The following ROBO2 variants were observed in gnomAD, a reference collection of about 807,000 sequenced individuals.
ROBO2 encodes the protein roundabout guidance receptor 2.
Under a neutral mutation model 160.8 loss-of-function variants are expected in ROBO2, and 53 were observed. The ratio of observed to expected loss-of-function variants is 0.33; its 90% confidence interval spans 0.26 to 0.41. The LOEUF (loss-of-function observed/expected upper bound fraction) is 0.41. Ranked by LOEUF, ROBO2 falls within the 10% of genes least tolerant of loss-of-function variation. The pLI, the probability that ROBO2 is intolerant of heterozygous loss-of-function variation, is 1.00. For synonymous variants in ROBO2, 664 were observed against 611.7 expected (o/e 1.09, Z -1.26); for missense variants, 1,577 against 1,722.4 (o/e 0.92, Z 1.49).
rs140119310 is a variant in ROBO2 at position 77,236,235 on chromosome 3, A to G, written c.388+137895A>G. ...GGCTGAAAGAGCTAAGCTATTATCT[A>G]GAGACCTGGAATCAGTTGAAAGAAA... On this transcript the variant is annotated intron_variant, in intron 2 of 25. Coordinates refer to ENST00000461745, the Ensembl canonical transcript of ROBO2. Among the ~76,000 whole-genome samples, 142 of 152,354 alleles carry G rather than the reference A, an allele frequency of 9.3e-4. 1 individual carries two copies. The highest frequency in any genetic ancestry group is 3.2e-3 in the African/African-American group (135 of 41,586).
chr3:76,901,383 T>C (rs2075216663), intron 2 of ROBO2, among the ~76,000 whole-genome samples: 1 of 151,818 alleles, frequency 6.6e-6, no homozygotes, highest in South Asian at 2.1e-4. Context: ...ATTAAAGAAA[T>C]AGAAAAATAA....
At chr3:77,049,398 A>G (rs566689504) in intron 1 of ROBO2, among the ~76,000 whole-genome samples, 4 of 152,216 alleles carry the variant, frequency 2.6e-5, no homozygotes, top group Non-Finnish European at 4.4e-5. Context: ...TTTAAAAACA[A>G]TAACAGTCTA....
intron 2 of ROBO2, among the ~76,000 whole-genome samples, chr3:76,659,330 A>G (rs1212052040): frequency 6.7e-6 from 1 of 149,430 alleles, no homozygotes; most frequent in African/African-American, 2.4e-5. Flanking sequence ...ATATTTATAC[A>G]TATACATATA....
upstream of ROBO2, among the ~76,000 whole-genome samples, chr3:77,036,144 C>A (rs944187421): frequency 6.6e-6 from 1 of 151,866 alleles, no homozygotes; most frequent in Non-Finnish European, 1.5e-5. Context: ...CAAGATTGTG[C>A]CTTTCATTAA....
intron 2 of ROBO2, among the ~76,000 whole-genome samples, chr3:76,270,040 T>C (rs1424138564): frequency 2.0e-5 from 3 of 152,094 alleles, no homozygotes; most frequent in African/African-American, 7.2e-5. Context: ...ACAATCTCTT[T>C]TTTTAGATGT....
At chr3:77,505,643 T>C (rs1210461799) in intron 5 of ROBO2, among the ~76,000 whole-genome samples, 2 of 152,144 alleles carry the variant, frequency 1.3e-5, no homozygotes, top group African/African-American at 4.8e-5. Context: ...TCTGGAGGTG[T>C]TAAAATATAA....
At chr3:77,538,653 G>A (rs1176455139) in intron 6 of ROBO2, among the ~76,000 whole-genome samples, 1 of 152,138 alleles carries the variant, frequency 6.6e-6, no homozygotes, top group Non-Finnish European at 1.5e-5. Flanking sequence ...TTCCATGGCA[G>A]TGTGTATGCA....
intron 2 of ROBO2, among the ~76,000 whole-genome samples, chr3:76,013,261 A>G (rs2066262762): frequency 2.0e-5 from 3 of 151,314 alleles, no homozygotes; most frequent in Non-Finnish European, 2.9e-5. Context: ...GTATGTATAA[A>G]GGCAATTGGA....
At chr3:77,084,054 T>G (rs1242590571) in intron 1 of ROBO2, among the ~76,000 whole-genome samples, 1 of 152,152 alleles carries the variant, frequency 6.6e-6, no homozygotes, top group Non-Finnish European at 1.5e-5. Flanking sequence ...TTGGGAGCTG[T>G]TAACTATTGG....
chr3:76,689,952 C>T (rs1466473688), intron 2 of ROBO2, among the ~76,000 whole-genome samples: 4 of 152,118 alleles, frequency 2.6e-5, no homozygotes, highest in Non-Finnish European at 4.4e-5. Flanking sequence ...ATTTTACTCC[C>T]TCCTCCTTGA....
intron 2 of ROBO2, among the ~76,000 whole-genome samples, chr3:76,962,430 G>T (rs2079737224): frequency 6.6e-6 from 1 of 151,964 alleles, no homozygotes; most frequent in African/African-American, 2.4e-5. Flanking sequence ...CCTGAGGTCA[G>T]GATTTCGAGA....
chr3:76,089,657 T>A (rs2069149123), intron 2 of ROBO2, among the ~76,000 whole-genome samples: 1 of 152,050 alleles, frequency 6.6e-6, no homozygotes, highest in Non-Finnish European at 1.5e-5. Context: ...CTTAGTAAAC[T>A]AGGAACAGAG....
intron 2 of ROBO2, among the ~76,000 whole-genome samples, chr3:76,221,711 C>T (rs1234800726): frequency 6.6e-6 from 1 of 152,174 alleles, no homozygotes; most frequent in East Asian, 1.9e-4. Context: ...TGATGGGGAA[C>T]ATGGTAAGAC....
intron 2 of ROBO2, among the ~76,000 whole-genome samples, chr3:76,726,583 T>C (rs1250829493): frequency 6.6e-6 from 1 of 152,186 alleles, no homozygotes; most frequent in African/African-American, 2.4e-5. Context: ...CCACCAACTC[T>C]GTAAGGTCCC....
chr3:76,907,807 CTGTT>C lies in ROBO2; in HGVS notation c.110-190196_110-190193del, dbSNP rs200995968. Among the ~76,000 whole-genome samples, 771 of 130,620 alleles carry C rather than the reference CTGTT, an allele frequency of 5.9e-3. 7 individuals carry two copies. The highest frequency in any genetic ancestry group is 0.054 in the East Asian group (241 of 4,486). The allele number at this position is 130,620 out of a possible 152,430, so 85.7% of individuals were successfully genotyped here. ...CTCATGGATATTCATGGCCTTTCTGCTGTTTGTTTGTTTGGGGTGTGTGTGTGTG... is the reference window on the plus strand; with the variant it reads ...CTCATGGATATTCATGGCCTTTCTGCTGTTTGTTTGGGGTGTGTGTGTGTG... On this transcript the variant is annotated intron_variant, in intron 2 of 26. Coordinates refer to the ROBO2 transcript ENST00000487694.
chr3:76,460,302 T>A (rs530061130), intron 2 of ROBO2, among the ~76,000 whole-genome samples: 1 of 152,224 alleles, frequency 6.6e-6, no homozygotes, highest in East Asian at 1.9e-4. Context: ...AGGTAAGCCA[T>A]TATATTAACA....
chr3:77,283,702 TATTCAATC>T (rs2060397136), intron 2 of ROBO2, among the ~76,000 whole-genome samples: 1 of 152,176 alleles, frequency 6.6e-6, no homozygotes, highest in Non-Finnish European at 1.5e-5. Flanking sequence ...TCTCTCTGAT[TATTCAATC>T]TTTTGAATAA....
rs1455462847 is a variant in ROBO2, at chr3:77,632,902, G to A, written c.3761-1968G>A. 9.2e-6 allele frequency: 3 copies of A among 326,312 alleles called. No individual in the cohort carries two copies. In the Admixed American group the frequency reaches 1.4e-4, roughly 16 times the overall value. The allele number at this position is 326,312 out of a possible 1,614,324, so 20.2% of individuals were successfully genotyped here. ...CTCTTCACGGCTTTACTGATTAATT[G>A]GAATATGCTTCCTTTTTATATTACG... On this transcript the variant is annotated intron_variant, in intron 23 of 25. Transcript: ENST00000461745.
chr3:76,218,846 C>T (rs1172732867), intron 2 of ROBO2, among the ~76,000 whole-genome samples: 2 of 152,146 alleles, frequency 1.3e-5, no homozygotes, highest in Admixed American at 1.3e-4. Context: ...AAAGAGCCCA[C>T]ATCGCCAAGT....
Sources: allele counts gnomAD v4.1 joint callset (sites outside exome capture counted in the v4.1 genomes callset), GRCh38; gene constraint gnomAD v4.1.1; transcripts MANE v1.5; gene names NCBI Gene and HGNC (gene_info 2026-07-23, HGNC 2026-07-21).